Variants in RSPH14 observed in about 807,000 individuals in gnomAD.
The protein encoded by RSPH14 is radial spoke head 14 homolog, also known as rhabdoid tumor deletion region gene 1.
A neutral mutation model predicts 26.7 loss-of-function variants in RSPH14; 20 were observed. The observed-to-expected ratio is 0.75, with a 90% CI of 0.53 to 1.09. The LOEUF (loss-of-function observed/expected upper bound fraction) is 1.09. Ranked by LOEUF, RSPH14 falls within the 50% of genes least tolerant of loss-of-function variation. RSPH14 has a pLI of 0.00. For synonymous variants in RSPH14, 177 were observed against 189.3 expected (o/e 0.93, Z 0.53); for missense variants, 449 against 457.2 (o/e 0.98, Z 0.16).
intron 4 of RSPH14, among the ~76,000 whole-genome samples, chr22:23,128,105 G>A (rs896127997): frequency 4.6e-5 from 7 of 152,198 alleles, no homozygotes; most frequent in African/African-American, 1.7e-4. Context: ...AGACTCACAG[G>A]TGTGCCCAGT....
chr22:23,092,282 A>ACTGT (rs2069001544), intron 4 of RSPH14, among the ~76,000 whole-genome samples: 1 of 152,160 alleles, frequency 6.6e-6, no homozygotes, highest in Non-Finnish European at 1.5e-5. Flanking sequence ...AATAGGTGGG[A>ACTGT]CTGTCATAAG....
At chr22:23,149,839 A>G (rs895106652), upstream of RSPH14, among the ~76,000 whole-genome samples, 1 of 152,222 alleles carries the variant, frequency 6.6e-6, no homozygotes, top group African/African-American at 2.4e-5. Flanking sequence ...CAGATCTCCA[A>G]GTCCCTGCCT....
chr22:23,172,608 G>T, the RSPH14 span, among the ~76,000 whole-genome samples: 3 of 149,982 alleles, frequency 2.0e-5, no homozygotes, highest in African/African-American at 7.4e-5. Context: ...GGAGGCTGAG[G>T]CAGGAAATGG....
the RSPH14 span, among the ~76,000 whole-genome samples, chr22:23,157,405 C>G: frequency 6.6e-6 from 1 of 152,090 alleles, no homozygotes; most frequent in Non-Finnish European, 1.5e-5. Flanking sequence ...TGCCGGCTAC[C>G]ACACCCAGCT....
upstream of RSPH14, chr22:23,145,313 A>T (rs1601875406): frequency 1.4e-6 from 2 of 1,392,478 alleles, no homozygotes; most frequent in African/African-American, 3.2e-5. Flanking sequence ...CAGGGTGTCC[A>T]GGAGTCTCTC....
chr22:23,095,431 G>A (rs1439856126), intron 4 of RSPH14: 5 of 495,196 alleles, frequency 1.0e-5, no homozygotes, highest in Admixed American at 3.7e-5. Context: ...GAATGACTAC[G>A]GCAAATCAGG....
At chr22:23,142,356 C>T (rs557742475), upstream of RSPH14, among the ~76,000 whole-genome samples, 1 of 152,070 alleles carries the variant, frequency 6.6e-6, no homozygotes, top group African/African-American at 2.4e-5. Context: ...CGCTCTTTCA[C>T]GCAGGCTGGA....
the RSPH14 span, chr22:23,159,189 A>T: frequency 6.2e-7 from 1 of 1,611,196 alleles, no homozygotes; most frequent in Non-Finnish European, 8.5e-7. Flanking sequence ...AGCAGGCCGA[A>T]GCAGACGCTG....
chr22:23,063,255 A>C (rs919873340), intron 5 of RSPH14, among the ~76,000 whole-genome samples: 4 of 152,104 alleles, frequency 2.6e-5, no homozygotes, highest in Non-Finnish European at 4.4e-5. Context: ...CTCTAGTGAG[A>C]CTCTCAGAAG....
chr22:23,078,418 G>T (rs888942900), intron 4 of RSPH14, among the ~76,000 whole-genome samples: 8 of 152,240 alleles, frequency 5.3e-5, no homozygotes, highest in African/African-American at 1.4e-4. Flanking sequence ...AGAGGCACTG[G>T]TGGGGCTGCC....
Position 23,061,922 on chromosome 22 carries a change from T to G in RSPH14, c.677A>C (p.Gln226Pro), listed in dbSNP as rs748858884. The change falls in exon 6 of 7, where the codon CAG (glutamine) becomes CCG (proline). Residue 226 changes from glutamine (Q) to proline (P), a missense_variant. Gln to Pro is a moderately conservative substitution (Grantham distance 76, BLOSUM62 -1). Transcript: ENST00000216036. ...NVSISREGKK[Q>P]VCHFDVIPIL... Reference sequence around the variant, plus strand: ...GGGGATGACGTCAAAATGACACACCTGTTTCTTGCCCTCTCGAGATATGCT... The same window carrying G: ...GGGGATGACGTCAAAATGACACACCGGTTTCTTGCCCTCTCGAGATATGCT... The G allele has an allele frequency of 6.2e-7, 1 of 1,614,078 alleles. No individual in the cohort carries two copies. Among genetic ancestry groups the G allele is most frequent in the South Asian group, 1.1e-5 (1 of 91,082 alleles).
At chr22:23,075,684 G>T (rs567491694) in intron 4 of RSPH14, among the ~76,000 whole-genome samples, 2 of 152,332 alleles carry the variant, frequency 1.3e-5, no homozygotes, top group South Asian at 2.1e-4. Context: ...AAGCCCGGGG[G>T]TGTTCCTTCT....
the RSPH14 span, among the ~76,000 whole-genome samples, chr22:23,166,561 G>A: frequency 6.6e-6 from 1 of 152,056 alleles, no homozygotes; most frequent in Non-Finnish European, 1.5e-5. Flanking sequence ...GCTGGGTCAG[G>A]TTGCCCTTGA....
Position 23,082,836 on chromosome 22 carries a change from G to C in RSPH14, c.422-18703C>G, listed in dbSNP as rs146187753. Among the ~76,000 whole-genome samples, 432 of 152,328 alleles carry C rather than the reference G, an allele frequency of 2.8e-3. 3 individuals are homozygous for C. Among genetic ancestry groups the C allele is most frequent in the Non-Finnish European group, 4.9e-3 (331 of 68,040 alleles). ...TGGGCCTGAGGACCAGGAGATGCTG[G>C]TTTCACAGAGCTGAGGCTAGCTGGG... On this transcript the variant is annotated intron_variant, in intron 4 of 6. Transcript: ENST00000216036.
chr22:23,160,039 C>T, the RSPH14 span, among the ~76,000 whole-genome samples: 2 of 152,154 alleles, frequency 1.3e-5, no homozygotes, highest in Non-Finnish European at 2.9e-5. Context: ...TGAAGTCATA[C>T]GCAGGGCCTG....
At chr22:23,155,991 A>C in the RSPH14 span, 1 of 1,612,718 alleles carries the variant, frequency 6.2e-7, no homozygotes, top group Non-Finnish European at 8.5e-7. Context: ...GGGCAGGAGA[A>C]GTTCAAGTGC....
chr22:23,073,035 C>T (rs959093823), intron 4 of RSPH14, among the ~76,000 whole-genome samples: 6 of 152,252 alleles, frequency 3.9e-5, no homozygotes, highest in African/African-American at 1.2e-4. Flanking sequence ...ATTTAGTCAT[C>T]TTGTGTGTGA....
intron 4 of RSPH14, among the ~76,000 whole-genome samples, chr22:23,078,033 A>G (rs1045612854): frequency 8.5e-5 from 13 of 152,184 alleles, no homozygotes; most frequent in African/African-American, 3.1e-4. Flanking sequence ...ATGTGGCCTC[A>G]GGCCAGCCCC....
intron 4 of RSPH14, among the ~76,000 whole-genome samples, chr22:23,067,831 CT>C (rs1397539220): frequency 6.6e-6 from 1 of 152,158 alleles, no homozygotes; most frequent in Non-Finnish European, 1.5e-5. Flanking sequence ...TCCCTGCCAT[CT>C]CACAGCCACA....
Sources: gnomAD v4.1 joint callset for allele counts (sites outside exome capture counted in the v4.1 genomes callset) on GRCh38, gnomAD v4.1.1 for gene constraint, MANE v1.5 for transcripts, NCBI Gene and HGNC (gene_info 2026-07-23, HGNC 2026-07-21) for gene names.